KCNH2: variants seen among roughly 807,000 people sequenced by gnomAD.
The protein encoded by KCNH2 is potassium voltage-gated channel subfamily H member 2.
In KCNH2, 35 loss-of-function variants were observed where a neutral mutation model predicts 95.9. The observed-to-expected ratio is 0.37, with a 90% CI of 0.28 to 0.48. The LOEUF is 0.48. Among genes scored for constraint, KCNH2 ranks in the 20% least tolerant of loss-of-function variants. KCNH2 has a pLI of 0.99. For synonymous variants in KCNH2, 786 were observed against 754.7 expected (o/e 1.04, Z -0.68); for missense variants, 1,274 against 1,702.9 (o/e 0.75, Z 4.43).
At chr7:150,967,634 T>C (rs984595743) in intron 2 of KCNH2, among the ~76,000 whole-genome samples, 4 of 152,148 alleles carry the variant, frequency 2.6e-5, no homozygotes, top group Non-Finnish European at 4.4e-5. Flanking sequence ...ACATACGGGG[T>C]AGTCTCAGGA....
chr7:150,976,991 C>A (rs1374840258), intron 1 of KCNH2, among the ~76,000 whole-genome samples: 4 of 152,138 alleles, frequency 2.6e-5, no homozygotes. Flanking sequence ...GGGCCCTTGG[C>A]AGTCACACCC....
Position 150,958,238 on chromosome 7 carries a change from C to G in KCNH2, c.737G>C (p.Gly246Ala). 1 of 1,400,626 alleles carries G rather than the reference C, an allele frequency of 7.1e-7. No homozygotes were observed. The highest frequency in any genetic ancestry group is 1.6e-5 in the South Asian group (1 of 63,976). The allele number at this position is 1,400,626 out of a possible 1,614,324, so 86.8% of individuals were successfully genotyped here. ...GTGCGCCCGGGGCGATGGGAGCTGG[C>G]CGGGCGCGCTGCGGGGCGGAGAGCC... Reference protein sequence around the residue: ...GPGSPPRSAPGQLPSPRAHSL... With the variant: ...GPGSPPRSAPAQLPSPRAHSL... Residue 246 changes from glycine (G) to alanine (A), a missense_variant, in exon 4 of 15, where the codon GGC becomes GCC. Transcript: ENST00000262186.
intron 1 of KCNH2, among the ~76,000 whole-genome samples, chr7:150,976,894 C>T (rs1801993814): frequency 6.6e-6 from 1 of 151,994 alleles, no homozygotes; most frequent in Non-Finnish European, 1.5e-5. Flanking sequence ...GGACTGACCC[C>T]TCCTTCCCCC....
rs1470787587 is a variant in KCNH2, at chr7:150,959,874, C to T, written c.308-138G>A. ...ATGGCCCTTCCTCTCCGGGATCTCC[C>T]GTCCTGATCCCCCACCCGGCCATGT... On this transcript the variant is annotated intron_variant, in intron 2 of 14. Transcript: ENST00000262186. 1.7e-5 allele frequency: 16 copies of T among 952,724 alleles called. No individual in the cohort carries two copies. In the Admixed American group the frequency reaches 2.4e-4, roughly 14 times the overall value. The allele number at this position is 952,724 out of a possible 1,614,324, so 59.0% of individuals were successfully genotyped here.
rs1801205159 is a variant in KCNH2 at position 150,952,325 on chromosome 7, T to TCTCTCG, written c.1557+99_1557+100insCGAGAG. 8.2e-7 allele frequency: 1 copy of TCTCTCG among 1,225,434 alleles called. No individual in the cohort carries two copies. The highest frequency in any genetic ancestry group is 1.2e-6 in the Non-Finnish European group (1 of 858,878). The allele number at this position is 1,225,434 out of a possible 1,614,324, so 75.9% of individuals were successfully genotyped here. A position where few individuals can be genotyped will look rare whatever the true frequency, so the allele number is the denominator to read the frequency against. The stretch of plus-strand genomic sequence containing the variant: ...CTTTCTCTCTTTCTCTCTCTCTCTC[T>TCTCTCG]TTTTCTCTGTCCTCCTCGCCACCCC... On this transcript the variant is annotated intron_variant, in intron 6 of 14. Transcript: ENST00000262186. This position sits in a 1 kb window ranked among gnomAD's most constrained non-coding sequence, Gnocchi z 7.3.
chr7:150,965,536 G>A (rs549096907), intron 2 of KCNH2, among the ~76,000 whole-genome samples: 1 of 152,248 alleles, frequency 6.6e-6, no homozygotes, highest in African/African-American at 2.4e-5. Context: ...TGAGTCCCGG[G>A]CAGTTGCGCC....
At chr7:150,955,533 C>G in intron 5 of KCNH2, 2 of 1,530,416 alleles carry the variant, frequency 1.3e-6, no homozygotes, top group Non-Finnish European at 1.8e-6. Flanking sequence ...AGCCTGCCTG[C>G]CCTGGGGCCT....
intron 7 of KCNH2, 80 bp downstream of exon 7, chr7:150,951,368 C>G: frequency 6.4e-7 from 1 of 1,573,738 alleles, no homozygotes; most frequent in Non-Finnish European, 8.7e-7. Context: ...CACTCTGGCC[C>G]GGCTAGCAGC....
chr7:150,963,354 C>T (rs1472575005), intron 2 of KCNH2, among the ~76,000 whole-genome samples: 1 of 152,138 alleles, frequency 6.6e-6, no homozygotes, highest in African/African-American at 2.4e-5. Flanking sequence ...GGCCCAGAGC[C>T]CCGGGGCGCT....
At chr7:150,968,607 G>A (rs1335191228) in intron 2 of KCNH2, among the ~76,000 whole-genome samples, 1 of 152,204 alleles carries the variant, frequency 6.6e-6, no homozygotes. Flanking sequence ...ACATTTGAAC[G>A]GTTGCCTATG....
intron 5 of KCNH2, among the ~76,000 whole-genome samples, chr7:150,954,331 G>C (rs574112044): frequency 6.6e-6 from 1 of 152,026 alleles, no homozygotes; most frequent in Admixed American, 6.5e-5. Context: ...GAAGGTAGCT[G>C]CCCCTGGACA....
In KCNH2 at chr7:150,957,145, T is replaced by C. The variant is rs554783947; in HGVS notation, c.1128+146A>G. On this transcript the variant is annotated intron_variant, in intron 5 of 14. Transcript: ENST00000262186. ...CCCCCCATCGCAGCTCTGGAATAGA[T>C]TGCCAACCCCAACCCTCAGGTCTGC... 9.7e-6 allele frequency: 7 copies of C among 718,242 alleles called. No homozygotes were observed. In the East Asian group the frequency reaches 1.4e-4, roughly 14 times the overall value. 44.5% of individuals were successfully genotyped at this position (718,242 alleles called of 1,614,324 possible). A position where few individuals can be genotyped will look rare whatever the true frequency, so the allele number is the denominator to read the frequency against.
chr7:150,957,922 A>T (rs1340769837), intron 4 of KCNH2, 137 bp downstream of exon 4: 1 of 653,830 alleles, frequency 1.5e-6, no homozygotes, highest in Non-Finnish European at 2.4e-6. Flanking sequence ...GGAATTAAAT[A>T]AGTGCTTAAT....
Position 150,959,757 on chromosome 7 carries a change from G to A in KCNH2, c.308-21C>T, listed in dbSNP as rs777154074. ...GCTCCCTGCAGAGTGGGAGGACATA[G>A]CCCCCTTGGCACCCACTCAGTGGGC... On this transcript the variant is annotated intron_variant, in intron 2 of 14. Coordinates refer to ENST00000262186, the MANE Select transcript of KCNH2 (RefSeq NM_000238.4). The A allele has an allele frequency of 3.1e-5, 50 of 1,613,864 alleles. No individual in the cohort carries two copies. In the African/African-American group the frequency reaches 5.2e-4, roughly 17 times the overall value.
intron 2 of KCNH2, among the ~76,000 whole-genome samples, chr7:150,970,555 C>T (rs528167743): frequency 7.2e-5 from 11 of 152,310 alleles, no homozygotes; most frequent in Middle Eastern, 3.4e-3. Flanking sequence ...GACAGACAGC[C>T]GCAGCTCAGG....
At chr7:150,974,670 ACCCCGCCCCTGGTCGTGG>A (rs1334082754) in intron 2 of KCNH2, 23 bp downstream of exon 2, 6 of 636,884 alleles carry the variant, frequency 9.4e-6, no homozygotes, top group Non-Finnish European at 1.4e-5. Flanking sequence ...GCCCCTCTTG[ACCCCGCCCCTGGTCGTGG>A]CCCCGCCCCG....
At chr7:150,977,729 A>C (rs1472806292) in intron 1 of KCNH2, 109 bp downstream of exon 1, 68 of 817,388 alleles carry the variant, frequency 8.3e-5, no homozygotes, top group Non-Finnish European at 1.2e-4. Context: ...GGCCCCATTG[A>C]CTCGCACTTG....
intron 2 of KCNH2, among the ~76,000 whole-genome samples, chr7:150,966,072 G>A (rs985200872): frequency 1.3e-5 from 2 of 152,202 alleles, no homozygotes; most frequent in African/African-American, 2.4e-5. Context: ...AAGGGAAGGC[G>A]GCAAAAGCAG....
At position 150,961,095 on chromosome 7, in the gene KCNH2, C is replaced by G. The variant is rs1801555184; in HGVS notation, c.308-1359G>C. ...GCCTCTTCCTTCCTCTCAGCTCCCC[C>G]TCTGCTCAGCTGTCTTCTCTGCCTC... On this transcript the variant is annotated intron_variant, in intron 2 of 14. Coordinates refer to ENST00000262186, the MANE Select transcript of KCNH2 (RefSeq NM_000238.4). This position sits in a 1 kb window ranked among gnomAD's most constrained non-coding sequence, Gnocchi z 6.2. Among the ~76,000 whole-genome samples the G allele has an allele frequency of 6.6e-6, 1 of 152,206 alleles. No homozygotes were observed. Among genetic ancestry groups the G allele is most frequent in the African/African-American group, 2.4e-5 (1 of 41,444 alleles).
Sources: gnomAD v4.1 joint callset for allele counts (sites outside exome capture counted in the v4.1 genomes callset) on GRCh38, gnomAD v4.1.1 for gene constraint, Gnocchi (gnomAD v3.1) non-coding constraint, MANE v1.5 for transcripts, NCBI Gene and HGNC (gene_info 2026-07-23, HGNC 2026-07-21) for gene names.